The following NRXN1 variants were observed in gnomAD, a reference collection of about 807,000 sequenced individuals.
NRXN1 encodes neurexin 1, also known as neurexin-1.
A neutral mutation model predicts 150.9 loss-of-function variants in NRXN1; 39 were observed. That is an observed-to-expected ratio of 0.26 (90% CI 0.20 to 0.34). The LOEUF (loss-of-function observed/expected upper bound fraction) is 0.34. NRXN1 is among the 10% of genes least tolerant of loss of function. The probability of loss-of-function intolerance (pLI) is 1.00; values close to 1 mark genes in which losing one functional copy is unlikely to be tolerated. For missense variants in NRXN1, 1,815 were observed against 1,949.9 expected, an observed-to-expected ratio of 0.93 and a Z score of 1.30; for synonymous variants, 924 against 757.0, an observed-to-expected ratio of 1.22 and a Z score of -3.62.
intron 5 of NRXN1, among the ~76,000 whole-genome samples, chr2:50,759,499 A>G (rs867966379): frequency 2.0e-5 from 3 of 151,976 alleles, no homozygotes; most frequent in Middle Eastern, 3.2e-3. Context: ...ATCACTATGC[A>G]TCTCAACTCT....
chr2:50,264,280 A>G (rs983486471), intron 17 of NRXN1, among the ~76,000 whole-genome samples: 1 of 152,138 alleles, frequency 6.6e-6, no homozygotes, highest in Non-Finnish European at 1.5e-5. Flanking sequence ...TTGAACGCAC[A>G]CATACGCACA....
chr2:50,726,911 A>G (rs535972746), intron 5 of NRXN1, among the ~76,000 whole-genome samples: 1 of 152,322 alleles, frequency 6.6e-6, no homozygotes, highest in East Asian at 1.9e-4. Context: ...ATCTTAATTC[A>G]TCAATATCCT....
intron 18 of NRXN1, among the ~76,000 whole-genome samples, chr2:50,128,820 T>G (rs1705007127): frequency 6.6e-6 from 1 of 151,476 alleles, no homozygotes; most frequent in Admixed American, 6.6e-5. Context: ...ACATCTCTAT[T>G]AAAACTACAA....
intron 17 of NRXN1, among the ~76,000 whole-genome samples, chr2:50,282,926 T>C (rs962937152): frequency 4.6e-5 from 7 of 152,198 alleles, no homozygotes; most frequent in African/African-American, 1.7e-4. Context: ...TTAAAATCTT[T>C]GGCACAAGTT....
intron 10 of NRXN1, among the ~76,000 whole-genome samples, chr2:50,534,547 T>G (rs563936709): frequency 6.6e-6 from 1 of 152,200 alleles, no homozygotes; most frequent in Non-Finnish European, 1.5e-5. Context: ...TAGTGAATTC[T>G]AGAGAGAAAA....
chr2:50,759,503 C>T (rs558061624), intron 5 of NRXN1, among the ~76,000 whole-genome samples: 6 of 152,022 alleles, frequency 3.9e-5, no homozygotes, highest in African/African-American at 1.2e-4. Flanking sequence ...CTATGCATCT[C>T]AACTCTTAGA....
chr2:50,732,002 T>C (rs1698163212), intron 5 of NRXN1, among the ~76,000 whole-genome samples: 1 of 152,182 alleles, frequency 6.6e-6, no homozygotes, highest in Admixed American at 6.5e-5. Context: ...AAGTTAGGTG[T>C]GACCTTTAAG....
intron 19 of NRXN1, among the ~76,000 whole-genome samples, chr2:50,067,291 T>C (rs1157916602): frequency 6.6e-6 from 1 of 152,218 alleles, no homozygotes; most frequent in African/African-American, 2.4e-5. Flanking sequence ...GATATCTAAG[T>C]GTTTTACACA....
At chr2:50,497,810 G>A in intron 13 of NRXN1, 96 bp from the exon 14 acceptor site, 1 of 1,148,034 alleles carries the variant, frequency 8.7e-7, no homozygotes, top group South Asian at 1.6e-5. Flanking sequence ...AATACAAGGA[G>A]CCAAATCCCT....
chr2:50,322,034 CAAAAA>C (rs10707210), intron 17 of NRXN1, among the ~76,000 whole-genome samples: 6 of 117,594 alleles, frequency 5.1e-5, no homozygotes, highest in Admixed American at 8.9e-5. Flanking sequence ...ATTACAACAT[CAAAAA>C]AAAAAAAAAA....
chr2:50,859,729 T>C (rs1487290247), intron 5 of NRXN1, among the ~76,000 whole-genome samples: 2 of 151,772 alleles, frequency 1.3e-5, no homozygotes, highest in Admixed American at 6.6e-5. Flanking sequence ...CCATCTCAAG[T>C]AAATCAATTC....
At chr2:50,960,816 A>C (rs1218138344) in intron 2 of NRXN1, among the ~76,000 whole-genome samples, 1 of 151,942 alleles carries the variant, frequency 6.6e-6, no homozygotes. Context: ...AAACAAAAAA[A>C]AGCAAACATA....
intron 1 of NRXN1, among the ~76,000 whole-genome samples, chr2:51,030,535 AAC>A (rs57434663): frequency 0.16 from 22,737 of 145,078 alleles, 1,833 homozygotes; most frequent in Non-Finnish European, 0.2. Context: ...TCTCTCTTTC[AAC>A]ACACACACAC....
At chr2:50,151,169 C>T (rs1054324999) in intron 18 of NRXN1, among the ~76,000 whole-genome samples, 1 of 151,630 alleles carries the variant, frequency 6.6e-6, no homozygotes, top group East Asian at 1.9e-4. Flanking sequence ...GCCTGAATCC[C>T]GAGGGCTGGA....
At chr2:50,182,957 G>A (rs574067501) in intron 18 of NRXN1, among the ~76,000 whole-genome samples, 3 of 152,088 alleles carry the variant, frequency 2.0e-5, no homozygotes, top group East Asian at 1.9e-4. Flanking sequence ...CTAGAAGGCT[G>A]TTTATAGCAA....
chr2:50,868,098 T>A (rs1390623686), intron 5 of NRXN1, among the ~76,000 whole-genome samples: 1 of 130,636 alleles, frequency 7.7e-6, no homozygotes. Context: ...ATACAGTTAA[T>A]CAACCTATGT....
intron 5 of NRXN1, among the ~76,000 whole-genome samples, chr2:50,717,867 T>C (rs1696069049): frequency 1.3e-5 from 2 of 152,150 alleles, no homozygotes; most frequent in South Asian, 4.1e-4. Flanking sequence ...GGGACTCTTT[T>C]GTAAGGGAAT....
chr2:50,768,915 A>AACAC (rs573497722), intron 5 of NRXN1, among the ~76,000 whole-genome samples: 54 of 149,212 alleles, frequency 3.6e-4, no homozygotes, highest in African/African-American at 1.2e-3. Context: ...CAACAACAAC[A>AACAC]ACACACACAC....
intron 18 of NRXN1, among the ~76,000 whole-genome samples, chr2:50,186,123 T>C (rs1019999913): frequency 4.6e-5 from 7 of 152,092 alleles, no homozygotes; most frequent in African/African-American, 1.7e-4. Flanking sequence ...TTTTCCATGA[T>C]TTGAATGGGC....
Sources: gnomAD v4.1 joint callset for allele counts (sites outside exome capture counted in the v4.1 genomes callset) on GRCh38, gnomAD v4.1.1 for gene constraint, MANE v1.5 for transcripts, NCBI Gene and HGNC (gene_info 2026-07-23, HGNC 2026-07-21) for gene names.